The following ASB7 variants were observed in gnomAD, a reference collection of about 807,000 sequenced individuals.
The protein encoded by ASB7 is ankyrin repeat and SOCS box containing 7.
A neutral mutation model predicts 32.5 loss-of-function variants in ASB7; 4 were observed. That is an observed-to-expected ratio of 0.12 (90% CI 0.06 to 0.28). The LOEUF (loss-of-function observed/expected upper bound fraction) is 0.28. ASB7 is among the 10% of genes least tolerant of loss of function. The pLI, the probability that ASB7 is intolerant of heterozygous loss-of-function variation, is 1.00. For missense variants in ASB7, 181 were observed against 407.1 expected, an observed-to-expected ratio of 0.44 and a Z score of 4.78; for synonymous variants, 172 against 155.6, an observed-to-expected ratio of 1.11 and a Z score of -0.78.
rs1291797995 is a variant in ASB7 at position 100,649,370 on chromosome 15, C to G, written c.*908C>G. The G allele has an allele frequency of 6.6e-6, 1 of 152,188 alleles. No individual in the cohort carries two copies. Among genetic ancestry groups the G allele is most frequent in the East Asian group, 1.9e-4 (1 of 5,198 alleles). The allele number at this position is 152,188 out of a possible 1,614,324, so 9.4% of individuals were successfully genotyped here. A position where few individuals can be genotyped will look rare whatever the true frequency, so the allele number is the denominator to read the frequency against. On this transcript the variant is annotated 3_prime_UTR_variant, in exon 6 of 6. Coordinates refer to ENST00000332783, the MANE Select transcript of ASB7 (RefSeq NM_198243.3). Reference sequence around the variant, plus strand: ...CTGCAGAGCCATCGTATGTCAGTTGCAATTTCCATCTGAAGCTATGTCTTT... The same window carrying G: ...CTGCAGAGCCATCGTATGTCAGTTGGAATTTCCATCTGAAGCTATGTCTTT...
At chr15:100,645,456 T>C (rs546647441) in intron 5 of ASB7, 57 of 465,378 alleles carry the variant, frequency 1.2e-4, no homozygotes, top group African/African-American at 2.0e-4. Context: ...GAATACAGTT[T>C]ATTATCTGCT....
At position 100,620,449 on chromosome 15, in the gene ASB7, C is replaced by T. The variant is rs1161728439; in HGVS notation, c.211+8022C>T. 6.6e-5 allele frequency among the ~76,000 whole-genome samples: 10 copies of T among 152,252 alleles called. No homozygotes were observed. The South Asian group carries it at 1.0e-3, about 16-fold the overall frequency. ...TGCTGCTTTACCTTCAAGCATCCTG[C>T]GTCAAAATGATGAAAACTTAGGGTT... On this transcript the variant is annotated intron_variant, in intron 4 of 5. Transcript: ENST00000332783.
At chr15:100,605,673 C>T (rs1452629633) in intron 2 of ASB7, among the ~76,000 whole-genome samples, 1 of 152,168 alleles carries the variant, frequency 6.6e-6, no homozygotes, top group Admixed American at 6.5e-5. Context: ...AATGCCCTCC[C>T]TACGTAGGAT....
chr15:100,625,286 A>G (rs1312282501), intron 4 of ASB7, among the ~76,000 whole-genome samples: 1 of 152,220 alleles, frequency 6.6e-6, no homozygotes, highest in African/African-American at 2.4e-5. Flanking sequence ...GAAAGAAGTC[A>G]AACTGTATTT....
intron 5 of ASB7, among the ~76,000 whole-genome samples, chr15:100,634,520 A>G (rs1438985027): frequency 6.6e-6 from 1 of 152,174 alleles, no homozygotes; most frequent in Non-Finnish European, 1.5e-5. Flanking sequence ...GAAAAGAGAT[A>G]GGGCCAGGTG....
rs772553917 is a variant in ASB7, at chr15:100,629,546, C to T, written c.321C>T (p.Ser107=). The change falls in exon 5 of 6, where the codon AGC becomes AGT. Residue 107 remains serine (S), a synonymous_variant. Transcript: ENST00000332783. This position sits in a 1 kb window ranked among gnomAD's most constrained non-coding sequence, Gnocchi z 6.8. ...ARLMLESEYR[S]DIINAKSNDG... is the part of the protein sequence containing the mutation. The stretch of plus-strand genomic sequence containing the variant: ...TGATGTTAGAATCTGAATACAGGAG[C>T]GACATCATTAATGCAAAAAGCAATG... 8 of 1,614,142 alleles carry T rather than the reference C, an allele frequency of 5.0e-6. No homozygotes were observed. The highest frequency in any genetic ancestry group is 4.5e-5 in the East Asian group (2 of 44,882).
chr15:100,648,526 G>A lies in ASB7; in HGVS notation c.*64G>A. The A allele has an allele frequency of 5.1e-6, 7 of 1,382,188 alleles. No individual in the cohort carries two copies. In the South Asian group the frequency reaches 9.5e-5, roughly 19 times the overall value. 85.6% of individuals were successfully genotyped at this position (1,382,188 alleles called of 1,614,324 possible). ...AGATACTTAAAAGGCTTTTTGCCTT[G>A]CACAAAGTATATCCTATGCAATTTC... On this transcript the variant is annotated 3_prime_UTR_variant, in exon 6 of 6. Coordinates refer to ENST00000332783, the MANE Select transcript of ASB7 (RefSeq NM_198243.3).
At chr15:100,610,813 C>T (rs183918787) in intron 3 of ASB7, among the ~76,000 whole-genome samples, 67 of 152,272 alleles carry the variant, frequency 4.4e-4, no homozygotes, top group Non-Finnish European at 8.2e-4. Flanking sequence ...GGCTTCATCA[C>T]AGTTTAAAAA....
chr15:100,614,400 T>G (rs2039724080), intron 4 of ASB7, among the ~76,000 whole-genome samples: 1 of 152,136 alleles, frequency 6.6e-6, no homozygotes, highest in Non-Finnish European at 1.5e-5. Flanking sequence ...TACAACTGTG[T>G]GACTTAAAGA....
chr15:100,641,123 A>G (rs2039958775), intron 5 of ASB7, among the ~76,000 whole-genome samples: 1 of 152,174 alleles, frequency 6.6e-6, no homozygotes, highest in Non-Finnish European at 1.5e-5. Flanking sequence ...GATGCCTAGT[A>G]AATGGTGTGC....
At chr15:100,617,527 G>A (rs772572085) in intron 4 of ASB7, among the ~76,000 whole-genome samples, 1 of 152,238 alleles carries the variant, frequency 6.6e-6, no homozygotes, top group Non-Finnish European at 1.5e-5. Context: ...CTCACTGATC[G>A]TTTTCTCAGG....
intron 3 of ASB7, among the ~76,000 whole-genome samples, chr15:100,611,164 C>G (rs2039692159): frequency 6.6e-6 from 1 of 152,124 alleles, no homozygotes; most frequent in Non-Finnish European, 1.5e-5. Flanking sequence ...CCTGCTTCTA[C>G]CTGCCGAGTA....
chr15:100,604,745 G>C (rs531620596), intron 2 of ASB7, among the ~76,000 whole-genome samples: 1 of 152,160 alleles, frequency 6.6e-6, no homozygotes, highest in South Asian at 2.1e-4. Flanking sequence ...TATATGTAGG[G>C]AATCAGGAGT....
chr15:100,620,068 G>A (rs1358731591), intron 4 of ASB7, among the ~76,000 whole-genome samples: 3 of 152,160 alleles, frequency 2.0e-5, no homozygotes, highest in African/African-American at 7.2e-5. Context: ...ATATTGGAGA[G>A]CACAGTTGTC....
chr15:100,608,184 C>G (rs1366466211), intron 2 of ASB7, among the ~76,000 whole-genome samples: 1 of 152,180 alleles, frequency 6.6e-6, no homozygotes, highest in African/African-American at 2.4e-5. Flanking sequence ...TGAGGCTCAT[C>G]ACTGGGGACA....
intron 5 of ASB7, chr15:100,638,569 G>A (rs990757732): frequency 2.0e-5 from 3 of 152,176 alleles, no homozygotes; most frequent in Admixed American, 6.5e-5. Context: ...TCAGAGGTTC[G>A]CCGTGCGCAG....
chr15:100,621,162 G>A (rs2039788476), intron 4 of ASB7, among the ~76,000 whole-genome samples: 1 of 152,200 alleles, frequency 6.6e-6, no homozygotes, highest in Admixed American at 6.5e-5. Context: ...CTTAAAAACA[G>A]TAGTTTATCT....
chr15:100,624,490 C>T (rs566947322), intron 4 of ASB7, among the ~76,000 whole-genome samples: 3 of 152,140 alleles, frequency 2.0e-5, no homozygotes, highest in Non-Finnish European at 4.4e-5. Context: ...ACTACAGATC[C>T]TCTAGACATC....
chr15:100,631,111 C>A (rs2039879967), intron 5 of ASB7, among the ~76,000 whole-genome samples: 1 of 152,130 alleles, frequency 6.6e-6, no homozygotes, highest in Admixed American at 6.5e-5. Flanking sequence ...AGAAAAGATG[C>A]AATTATTATC....
Sources: gnomAD v4.1 joint callset for allele counts (sites outside exome capture counted in the v4.1 genomes callset) on GRCh38, gnomAD v4.1.1 for gene constraint, Gnocchi (gnomAD v3.1) non-coding constraint, MANE v1.5 for transcripts, NCBI Gene and HGNC (gene_info 2026-07-23, HGNC 2026-07-21) for gene names.